DPP6: variants seen among roughly 807,000 people sequenced by gnomAD.
DPP6 encodes A-type potassium channel modulatory protein DPP6.
A neutral mutation model predicts 122.6 loss-of-function variants in DPP6; 69 were observed. The observed-to-expected ratio is 0.56, with a 90% confidence interval of 0.46 to 0.69. DPP6 has a LOEUF of 0.69. Ranked by LOEUF, DPP6 falls within the 30% of genes least tolerant of loss-of-function variation. The probability of loss-of-function intolerance (pLI) is 0.00; values close to 1 mark genes in which losing one functional copy is unlikely to be tolerated. For missense variants in DPP6, 928 were observed against 1,116.9 expected, an observed-to-expected ratio of 0.83 and a Z score of 2.41; for synonymous variants, 418 against 433.1, an observed-to-expected ratio of 0.97 and a Z score of 0.43.
chr7:153,818,751 G>C, the DPP6 span, among the ~76,000 whole-genome samples: 2 of 151,800 alleles, frequency 1.3e-5, no homozygotes, highest in Non-Finnish European at 2.9e-5. Context: ...GGCAAGATTT[G>C]TGACTTTTTC....
chr7:154,330,135 A>G (rs914966851), intron 1 of DPP6, among the ~76,000 whole-genome samples: 5 of 152,256 alleles, frequency 3.3e-5, no homozygotes, highest in Non-Finnish European at 7.3e-5. Context: ...CCACCATGGC[A>G]CATGTATACC....
intron 1 of DPP6, among the ~76,000 whole-genome samples, chr7:154,212,969 A>G (rs1356128179): frequency 6.6e-6 from 1 of 152,204 alleles, no homozygotes; most frequent in Non-Finnish European, 1.5e-5. Flanking sequence ...GGCATTCTAC[A>G]AAAATGCTCA....
chr7:154,128,971 G>A (rs1476142674), intron 1 of DPP6, among the ~76,000 whole-genome samples: 1 of 152,052 alleles, frequency 6.6e-6, no homozygotes, highest in Non-Finnish European at 1.5e-5. Flanking sequence ...AAAGGGAATG[G>A]TGAGTACTGT....
intron 16 of DPP6, among the ~76,000 whole-genome samples, chr7:154,825,994 C>T (rs1247438688): frequency 6.6e-6 from 1 of 152,210 alleles, no homozygotes; most frequent in African/African-American, 2.4e-5. Flanking sequence ...CACACAGAAA[C>T]TTATATCCTA....
chr7:154,030,835 A>G (rs1585202543), intron 1 of DPP6, among the ~76,000 whole-genome samples: 1 of 152,248 alleles, frequency 6.6e-6, no homozygotes, highest in East Asian at 1.9e-4. Context: ...CCCTTCTGGA[A>G]GCAGCTGTCA....
intron 1 of DPP6, among the ~76,000 whole-genome samples, chr7:154,256,124 C>A (rs1479543978): frequency 6.6e-6 from 1 of 152,138 alleles, no homozygotes; most frequent in African/African-American, 2.4e-5. Context: ...ACTGTAGACT[C>A]GAACATGATT....
intron 1 of DPP6, among the ~76,000 whole-genome samples, chr7:154,109,547 C>T (rs929359804): frequency 2.6e-5 from 4 of 152,236 alleles, no homozygotes; most frequent in African/African-American, 7.2e-5. Flanking sequence ...CCGCCTCAGC[C>T]TCCCAAAATG....
intron 1 of DPP6, among the ~76,000 whole-genome samples, chr7:154,279,433 G>T (rs556971183): frequency 2.6e-5 from 4 of 152,290 alleles, no homozygotes; most frequent in African/African-American, 9.6e-5. Context: ...ACCCTTGGTG[G>T]TGGTATCATG....
intron 16 of DPP6, among the ~76,000 whole-genome samples, chr7:154,828,708 T>C (rs542371416): frequency 1.3e-5 from 2 of 152,320 alleles, no homozygotes; most frequent in South Asian, 2.1e-4. Flanking sequence ...AGGCACAAAA[T>C]CTAACCATGT....
At chr7:154,587,884 C>A (rs1404810822) in intron 5 of DPP6, 6 of 1,612,882 alleles carry the variant, frequency 3.7e-6, no homozygotes, top group Non-Finnish European at 3.4e-6. Context: ...TCCATGGAGA[C>A]CCTGGCTGGA....
At chr7:154,281,400 C>T (rs193262643) in intron 1 of DPP6, among the ~76,000 whole-genome samples, 1 of 152,270 alleles carries the variant, frequency 6.6e-6, no homozygotes, top group East Asian at 1.9e-4. Flanking sequence ...TGGGCTCTCC[C>T]TGGGCTGTGA....
intron 1 of DPP6, among the ~76,000 whole-genome samples, chr7:154,123,707 G>A (rs1209326506): frequency 6.7e-6 from 1 of 149,376 alleles, no homozygotes; most frequent in Non-Finnish European, 1.5e-5. Flanking sequence ...TGTGCCGCTC[G>A]CTCACGGGGC....
chr7:153,848,697 C>A, the DPP6 span, among the ~76,000 whole-genome samples: 1 of 152,130 alleles, frequency 6.6e-6, no homozygotes, highest in African/African-American at 2.4e-5. Flanking sequence ...TTATGAAACC[C>A]AGAACGATTC....
intron 1 of DPP6, among the ~76,000 whole-genome samples, chr7:154,408,677 T>C (rs1785588210): frequency 6.6e-6 from 1 of 152,170 alleles, no homozygotes; most frequent in Non-Finnish European, 1.5e-5. Context: ...TTTCTCTCTG[T>C]TCCAGACCCT....
At chr7:154,061,413 A>T (rs1244525084) in intron 1 of DPP6, among the ~76,000 whole-genome samples, 1 of 146,872 alleles carries the variant, frequency 6.8e-6, no homozygotes, top group Non-Finnish European at 1.5e-5. Context: ...GCCCTGGCTG[A>T]GGCCGGTAGC....
chr7:154,554,662 T>G (rs1829886578), intron 4 of DPP6, among the ~76,000 whole-genome samples: 1 of 152,220 alleles, frequency 6.6e-6, no homozygotes, highest in Admixed American at 6.5e-5. Flanking sequence ...GTCAGCATAA[T>G]GTTATTTAAA....
Position 154,587,970 on chromosome 7 carries a change from GCAGCAC to G in DPP6, c.627+21055_627+21060del, listed in dbSNP as rs79989567. 2.5e-4 allele frequency: 404 copies of G among 1,612,916 alleles called. 3 individuals carry two copies. In the East Asian group the frequency reaches 8.6e-3, roughly 34 times the overall value. ...GCAGCCATGCACCTGCAGCCCTCAG[GCAGCAC>G]TGTCCATTGTCATACGAGTGTGGCA... On this transcript the variant is annotated intron_variant, in intron 5 of 25. Coordinates refer to ENST00000377770, the MANE Select transcript of DPP6 (RefSeq NM_130797.4).
At chr7:154,401,089 C>T (rs1264848001) in intron 1 of DPP6, among the ~76,000 whole-genome samples, 4 of 151,734 alleles carry the variant, frequency 2.6e-5, no homozygotes, top group East Asian at 1.9e-4. Context: ...CCCAGCTACT[C>T]GGGAGGCTGA....
intron 1 of DPP6, among the ~76,000 whole-genome samples, chr7:154,286,956 C>T (rs1394061037): frequency 1.3e-5 from 2 of 152,112 alleles, no homozygotes; most frequent in Admixed American, 1.3e-4. Context: ...GCATGCACTA[C>T]CATGCCCGGC....
Sources: allele counts gnomAD v4.1 joint callset (sites outside exome capture counted in the v4.1 genomes callset), GRCh38; gene constraint gnomAD v4.1.1; transcripts MANE v1.5; gene names NCBI Gene and HGNC (gene_info 2026-07-23, HGNC 2026-07-21).